The following CCDC192 variants were observed in gnomAD, a reference collection of about 807,000 sequenced individuals.
CCDC192 encodes coiled-coil domain-containing protein 192.
chr5:127,714,802 T>C (rs965276383), intron 2 of CCDC192, among the ~76,000 whole-genome samples: 2 of 152,234 alleles, frequency 1.3e-5, no homozygotes, highest in African/African-American at 4.8e-5. Flanking sequence ...TTATTTTTTG[T>C]CTTTTCAATA....
chr5:127,753,403 A>G (rs1482564923), intron 2 of CCDC192, among the ~76,000 whole-genome samples: 1 of 152,210 alleles, frequency 6.6e-6, no homozygotes, highest in Admixed American at 6.5e-5. Context: ...AAGTAACTTT[A>G]GAAACATTTT....
intron 5 of CCDC192, among the ~76,000 whole-genome samples, chr5:127,832,196 G>T (rs1749827275): frequency 6.6e-6 from 1 of 152,136 alleles, no homozygotes; most frequent in Non-Finnish European, 1.5e-5. Flanking sequence ...AGTACAGTGA[G>T]GTACAATTTC....
At chr5:127,802,765 C>T (rs905879318) in intron 5 of CCDC192, among the ~76,000 whole-genome samples, 1 of 152,008 alleles carries the variant, frequency 6.6e-6, no homozygotes, top group Non-Finnish European at 1.5e-5. Flanking sequence ...GTGTCTGGCT[C>T]GATGTCTTGT....
At chr5:127,734,391 G>T (rs1479427320) in intron 2 of CCDC192, among the ~76,000 whole-genome samples, 2 of 151,854 alleles carry the variant, frequency 1.3e-5, no homozygotes, top group East Asian at 3.9e-4. Flanking sequence ...AAACATACGT[G>T]TGCATGTGTC....
chr5:127,763,781 T>C (rs1300877759), intron 3 of CCDC192, among the ~76,000 whole-genome samples: 1 of 152,146 alleles, frequency 6.6e-6, no homozygotes, highest in African/African-American at 2.4e-5. Flanking sequence ...AGAGTCAAAT[T>C]ATCATTAATA....
chr5:127,734,490 A>G (rs927449597), intron 2 of CCDC192, among the ~76,000 whole-genome samples: 10 of 149,108 alleles, frequency 6.7e-5, no homozygotes, highest in East Asian at 6.0e-4. Context: ...TAGATCCCTG[A>G]GGAATCGCCA....
chr5:127,786,396 G>A (rs1756538356), intron 3 of CCDC192: 1 of 624,042 alleles, frequency 1.6e-6, no homozygotes, highest in Non-Finnish European at 3.0e-6. Flanking sequence ...AGGGCCCTTT[G>A]CAAATGCATC....
rs1396145391 is a variant in CCDC192 at position 127,735,703 on chromosome 5, G to A, written c.115-18565G>A. 3.9e-4 allele frequency among the ~76,000 whole-genome samples: 51 copies of A among 130,758 alleles called. 1 individual carries two copies. Among genetic ancestry groups the A allele is most frequent in the Admixed American group, 1.5e-3 (18 of 12,396 alleles). 85.8% of individuals were successfully genotyped at this position (130,758 alleles called of 152,430 possible). ...CTCTTTGAAGCAATTTTGAATGGGA[G>A]TTCACTCATGATTTGGCTCTCTGTT... On this transcript the variant is annotated intron_variant, in intron 2 of 6. Transcript: ENST00000514853.
chr5:127,871,515 T>C (rs1413378409), intron 5 of CCDC192, among the ~76,000 whole-genome samples: 5 of 152,158 alleles, frequency 3.3e-5, no homozygotes, highest in Non-Finnish European at 1.5e-5. Flanking sequence ...CAGAAAGACA[T>C]AACTACTACA....
intron 5 of CCDC192, among the ~76,000 whole-genome samples, chr5:127,815,765 G>T (rs573849774): frequency 1.1e-4 from 17 of 152,200 alleles, no homozygotes; most frequent in Admixed American, 3.3e-4. Context: ...CTCCTCAGGA[G>T]GCTGAGGCAG....
At chr5:127,716,021 G>A (rs1297595523) in intron 2 of CCDC192, among the ~76,000 whole-genome samples, 1 of 152,120 alleles carries the variant, frequency 6.6e-6, no homozygotes. Flanking sequence ...ATTAGATATG[G>A]CTTTGTCATA....
rs143530419 is a variant in CCDC192, at chr5:127,740,459, G to A, written c.115-13809G>A. Among the ~76,000 whole-genome samples, 196 of 152,238 alleles carry A rather than the reference G, an allele frequency of 1.3e-3. 2 individuals carry two copies. Among genetic ancestry groups the A allele is most frequent in the African/African-American group, 4.5e-3 (186 of 41,534 alleles). Reference sequence around the variant, plus strand: ...GATCTTGGTAAAGAATGGAGTCTGTGCAAATGCCAGTCTGGGAGGTAATAA... The same window carrying A: ...GATCTTGGTAAAGAATGGAGTCTGTACAAATGCCAGTCTGGGAGGTAATAA... On this transcript the variant is annotated intron_variant, in intron 2 of 6. Transcript: ENST00000514853.
At chr5:127,852,816 C>T (rs1217038288) in intron 5 of CCDC192, among the ~76,000 whole-genome samples, 5 of 152,248 alleles carry the variant, frequency 3.3e-5, no homozygotes, top group South Asian at 2.1e-4. Flanking sequence ...TATCCCTGGC[C>T]GGGTGCGGTG....
At chr5:127,842,583 C>T (rs967922162) in intron 5 of CCDC192, among the ~76,000 whole-genome samples, 6 of 152,164 alleles carry the variant, frequency 3.9e-5, no homozygotes, top group Admixed American at 1.3e-4. Context: ...ATTTCAAAAG[C>T]GATGTAGCCA....
intron 5 of CCDC192, among the ~76,000 whole-genome samples, chr5:127,855,615 A>C (rs954971857): frequency 1.3e-5 from 2 of 152,208 alleles, no homozygotes; most frequent in Non-Finnish European, 2.9e-5. Context: ...TGCCCAATCT[A>C]TCAGAAGAAT....
intron 5 of CCDC192, among the ~76,000 whole-genome samples, chr5:127,864,207 T>C (rs1053395726): frequency 3.9e-5 from 6 of 152,218 alleles, no homozygotes; most frequent in Admixed American, 6.5e-5. Context: ...TCACCATTTA[T>C]CTACATTGGG....
At chr5:127,790,602 C>A (rs1756814728) in intron 3 of CCDC192, among the ~76,000 whole-genome samples, 3 of 152,120 alleles carry the variant, frequency 2.0e-5, no homozygotes, top group African/African-American at 7.2e-5. Flanking sequence ...TCTCATTATC[C>A]TCTCCTCTTC....
At chr5:127,803,002 G>GA (rs1757586928) in intron 5 of CCDC192, among the ~76,000 whole-genome samples, 1 of 151,838 alleles carries the variant, frequency 6.6e-6, no homozygotes, top group South Asian at 2.1e-4. Flanking sequence ...GAAACAGAAG[G>GA]AAAAAAATAG....
At chr5:127,933,227 C>G (rs1412188169) in intron 6 of CCDC192, among the ~76,000 whole-genome samples, 1 of 152,152 alleles carries the variant, frequency 6.6e-6, no homozygotes, top group Non-Finnish European at 1.5e-5. Flanking sequence ...AGACTTTGGT[C>G]TGCATGAGAC....
Sources: gnomAD v4.1 joint callset for allele counts (sites outside exome capture counted in the v4.1 genomes callset) on GRCh38, gnomAD v4.1.1 for gene constraint, MANE v1.5 for transcripts, NCBI Gene and HGNC (gene_info 2026-07-23, HGNC 2026-07-21) for gene names.